The following FAF1 variants were observed in gnomAD, a reference collection of about 807,000 sequenced individuals.
The protein encoded by FAF1 is FAS-associated factor 1.
FAF1 carries 25 observed loss-of-function variants against 92.5 expected under a neutral mutation model. The observed-to-expected ratio is 0.27, with a 90% CI of 0.20 to 0.38. FAF1 has a LOEUF of 0.38. Ranked by LOEUF, FAF1 falls within the 10% of genes least tolerant of loss-of-function variation. The pLI, the probability that FAF1 is intolerant of heterozygous loss-of-function variation, is 1.00. For missense variants in FAF1, 636 were observed against 793.3 expected, an observed-to-expected ratio of 0.80 and a Z score of 2.38; for synonymous variants, 234 against 273.2, an observed-to-expected ratio of 0.86 and a Z score of 1.42.
chr1:50,936,825 G>C (rs1481331665), intron 1 of FAF1, among the ~76,000 whole-genome samples: 4 of 151,482 alleles, frequency 2.6e-5, no homozygotes, highest in African/African-American at 4.8e-5. Context: ...GGGAAGGAGA[G>C]AGAAACATGG....
At chr1:50,573,711 C>G (rs183688814) in intron 12 of FAF1, among the ~76,000 whole-genome samples, 1 of 151,804 alleles carries the variant, frequency 6.6e-6, no homozygotes, top group African/African-American at 2.4e-5. Context: ...TCTTTTTCCC[C>G]TCACTTTCTG....
chr1:50,761,821 G>A (rs1314222775), intron 4 of FAF1, among the ~76,000 whole-genome samples: 1 of 152,138 alleles, frequency 6.6e-6, no homozygotes, highest in African/African-American at 2.4e-5. Flanking sequence ...TCAACATAGT[G>A]TTGGAAGTTC....
At chr1:50,742,572 C>G (rs1659432053) in intron 5 of FAF1, among the ~76,000 whole-genome samples, 1 of 152,070 alleles carries the variant, frequency 6.6e-6, no homozygotes, top group Non-Finnish European at 1.5e-5. Flanking sequence ...TTAGTAGAGA[C>G]AGGGTTTTGT....
chr1:50,897,711 T>C (rs1222739636), intron 1 of FAF1, among the ~76,000 whole-genome samples: 2 of 152,230 alleles, frequency 1.3e-5, no homozygotes, highest in East Asian at 3.8e-4. Flanking sequence ...CATGCATCCA[T>C]ACCATTCAAC....
intron 8 of FAF1, among the ~76,000 whole-genome samples, chr1:50,597,015 A>T (rs1651854913): frequency 6.6e-6 from 1 of 152,212 alleles, no homozygotes. Flanking sequence ...AAAATAAGCA[A>T]ATGAAAAAAT....
At chr1:50,857,071 T>C (rs1306022150) in intron 2 of FAF1, among the ~76,000 whole-genome samples, 2 of 151,804 alleles carry the variant, frequency 1.3e-5, no homozygotes, top group African/African-American at 4.8e-5. Context: ...CTTTGTAAAT[T>C]TTTCATCTCA....
At chr1:50,654,000 A>C (rs143618220) in intron 8 of FAF1, among the ~76,000 whole-genome samples, 1,566 of 152,298 alleles carry the variant, frequency 0.01, 107 homozygotes, top group Admixed American at 0.096. Flanking sequence ...TCTGATTATT[A>C]AAGTTTCTGA....
chr1:50,930,775 C>A (rs1454411058), intron 1 of FAF1, among the ~76,000 whole-genome samples: 1 of 152,136 alleles, frequency 6.6e-6, no homozygotes, highest in Non-Finnish European at 1.5e-5. Context: ...TGCACTCCAG[C>A]CTGGGAGACA....
At chr1:50,772,143 C>T (rs545112459) in intron 4 of FAF1, among the ~76,000 whole-genome samples, 2 of 151,806 alleles carry the variant, frequency 1.3e-5, no homozygotes, top group South Asian at 4.2e-4. Context: ...TGTATAATAC[C>T]ATAAAAGTCC....
chr1:50,461,676 TA>T (rs1646432880), intron 18 of FAF1, among the ~76,000 whole-genome samples: 1 of 152,248 alleles, frequency 6.6e-6, no homozygotes, highest in East Asian at 1.9e-4. Flanking sequence ...AACTCAGGAA[TA>T]TTTCCAATTA....
chr1:50,791,262 C>T (rs937074562), intron 3 of FAF1, among the ~76,000 whole-genome samples: 4 of 152,348 alleles, frequency 2.6e-5, no homozygotes, highest in East Asian at 1.9e-4. Flanking sequence ...TGACATTTCA[C>T]ATCTAAAGCT....
chr1:50,952,603 C>T (rs1398956500), intron 1 of FAF1, among the ~76,000 whole-genome samples: 2 of 151,860 alleles, frequency 1.3e-5, no homozygotes, highest in Non-Finnish European at 2.9e-5. Flanking sequence ...TCTGCCCAGC[C>T]GCCCAGTCTG....
intron 1 of FAF1, among the ~76,000 whole-genome samples, chr1:50,928,645 T>C (rs1206739549): frequency 1.3e-5 from 2 of 151,202 alleles, no homozygotes; most frequent in African/African-American, 4.9e-5. Context: ...CAGCCGAGCA[T>C]GATGGCGGGC....
At chr1:50,556,841 CATAAAATAAAATAAT>C (rs1018789368) in intron 13 of FAF1, among the ~76,000 whole-genome samples, 15 of 145,196 alleles carry the variant, frequency 1.0e-4, no homozygotes, top group African/African-American at 2.0e-4. Context: ...CTGTCTCAAA[CATAAAATAAAATAAT>C]ATAAAATAAA....
intron 2 of FAF1, among the ~76,000 whole-genome samples, chr1:50,818,443 C>T (rs55770483): frequency 1.3e-5 from 2 of 152,118 alleles, no homozygotes; most frequent in African/African-American, 4.8e-5. Context: ...GACCAGTATA[C>T]AAATATTCGT....
At chr1:50,558,447 G>A (rs1410876312) in intron 13 of FAF1, among the ~76,000 whole-genome samples, 1 of 152,060 alleles carries the variant, frequency 6.6e-6, no homozygotes, top group Non-Finnish European at 1.5e-5. Flanking sequence ...AACAGGGAAA[G>A]GTTTGGAATT....
Position 50,439,026 on chromosome 1 carries a change from A to T in FAF1, c.*2414T>A, listed in dbSNP as rs904546892. 4 of 152,252 alleles carry T rather than the reference A, an allele frequency of 2.6e-5. No homozygotes were observed. The highest frequency in any genetic ancestry group is 9.6e-5 in the African/African-American group (4 of 41,468). 9.4% of individuals were successfully genotyped at this position (152,252 alleles called of 1,614,324 possible). A position where few individuals can be genotyped will look rare whatever the true frequency, so the allele number is the denominator to read the frequency against. ...CTAATGCTGCAACTGCACATCCAGC[A>T]GTCCAAGAACACAAGGGAGTAAACT... On this transcript the variant is annotated 3_prime_UTR_variant, in exon 19 of 19. Coordinates refer to ENST00000396153, the MANE Select transcript of FAF1 (RefSeq NM_007051.3).
chr1:50,861,164 A>C (rs1644429088), intron 1 of FAF1, among the ~76,000 whole-genome samples: 1 of 151,872 alleles, frequency 6.6e-6, no homozygotes, highest in African/African-American at 2.4e-5. Context: ...AGCATCACAC[A>C]ATATATCTAG....
intron 18 of FAF1, among the ~76,000 whole-genome samples, chr1:50,458,760 C>G (rs913063865): frequency 1.3e-5 from 2 of 152,208 alleles, no homozygotes; most frequent in Non-Finnish European, 2.9e-5. Context: ...AAATGCTGAG[C>G]ATTTACTATG....
Sources: allele counts gnomAD v4.1 joint callset (sites outside exome capture counted in the v4.1 genomes callset), GRCh38; gene constraint gnomAD v4.1.1; transcripts MANE v1.5; gene names NCBI Gene and HGNC (gene_info 2026-07-23, HGNC 2026-07-21).